Variants in DCAF11 observed in about 807,000 individuals in gnomAD.
The protein encoded by DCAF11 is DDB1 and CUL4 associated factor 11.
DCAF11 carries 44 observed loss-of-function variants against 76.1 expected under a neutral mutation model. That is an observed-to-expected ratio of 0.58 (90% CI 0.45 to 0.74). DCAF11 has a LOEUF of 0.74. Among genes scored for constraint, DCAF11 ranks in the 30% least tolerant of loss-of-function variants. The pLI is 0.00. For missense variants in DCAF11, 604 were observed against 709.4 expected (o/e 0.85, Z 1.69); for synonymous variants, 258 against 255.0 (o/e 1.01, Z -0.11).
At chr14:24,119,462 C>G in intron 9 of DCAF11, 97 bp from the exon 10 acceptor site, 1 of 1,485,134 alleles carries the variant, frequency 6.7e-7, no homozygotes, top group Non-Finnish European at 9.4e-7. Flanking sequence ...AGGGCTTGAC[C>G]CAGAGCAGGA....
At chr14:24,122,512 A>AG (rs1491299623) in intron 13 of DCAF11, among the ~76,000 whole-genome samples, 13 of 150,124 alleles carry the variant, frequency 8.7e-5, no homozygotes, top group Non-Finnish European at 2.9e-5. Context: ...AAAAAGAAAA[A>AG]GAAAAAAAAA....
intron 11 of DCAF11, among the ~76,000 whole-genome samples, chr14:24,120,222 A>C (rs1376094056): frequency 2.0e-5 from 3 of 151,862 alleles, no homozygotes; most frequent in Non-Finnish European, 4.4e-5. Flanking sequence ...TGTGAAACCT[A>C]GCGAGACCTC....
At chr14:24,121,056 C>A in intron 12 of DCAF11, 65 bp downstream of exon 12, 1 of 1,586,508 alleles carries the variant, frequency 6.3e-7, no homozygotes, top group East Asian at 2.3e-5. Context: ...GGACCTCCCC[C>A]TCAGCCCTCT....
At position 24,117,271 on chromosome 14, in the gene DCAF11, G is replaced by GCTA; in HGVS notation, c.291_293dup (p.Thr98dup). ...CTTCTCCTTGGTACTCACAGTGGAT[G>GCTA]CTACCCCTGACACCCGGGAGCTGGA... is the stretch of plus-strand genomic sequence containing the variant. On this transcript the variant is annotated inframe_insertion, in exon 4 of 15. Transcript: ENST00000446197. This position sits in a 1 kb window ranked among gnomAD's most constrained non-coding sequence, Gnocchi z 4.3. 6.2e-7 allele frequency: 1 copy of GCTA among 1,614,208 alleles called. No individual in the cohort carries two copies.
At chr14:24,115,776 A>G in intron 2 of DCAF11, 27 bp downstream of exon 2, 1 of 1,604,074 alleles carries the variant, frequency 6.2e-7, no homozygotes, top group Non-Finnish European at 8.5e-7. Context: ...TGTGACCCCC[A>G]GCAGGTGCTA....
Position 24,115,881 on chromosome 14 carries a change from C to T in DCAF11, c.155+132C>T, listed in dbSNP as rs1387739686. ...AGCTGTTCTGTTTGAGCTGAACAGCCTTTCCCTGCTGGGCACCCATGGCAC... is the reference window on the plus strand; with the variant it reads ...AGCTGTTCTGTTTGAGCTGAACAGCTTTTCCCTGCTGGGCACCCATGGCAC... On this transcript the variant is annotated intron_variant, in intron 2 of 14. Transcript: ENST00000446197. 4.2e-6 allele frequency: 5 copies of T among 1,180,020 alleles called. No homozygotes were observed. In the African/African-American group the frequency reaches 7.7e-5, roughly 18 times the overall value. The allele number at this position is 1,180,020 out of a possible 1,614,324, so 73.1% of individuals were successfully genotyped here.
At chr14:24,119,923 C>T in intron 11 of DCAF11, 27 bp downstream of exon 11, 1 of 1,576,254 alleles carries the variant, frequency 6.3e-7, no homozygotes, top group Non-Finnish European at 8.6e-7. Flanking sequence ...GACTGTACAG[C>T]CAGGCCGCTA....
In DCAF11 at chr14:24,122,976, G is replaced by T; in HGVS notation, c.1405G>T (p.Asp469Tyr). The T allele has an allele frequency of 1.9e-6, 3 of 1,614,098 alleles. No homozygotes were observed. Among genetic ancestry groups the T allele is most frequent in the Non-Finnish European group, 2.5e-6 (3 of 1,179,982 alleles). Residue 469 changes from aspartate to tyrosine, a missense_variant, in exon 14 of 15, where the codon GAC becomes TAC. Asp to Tyr is a radical substitution (Grantham distance 160, BLOSUM62 -3). Transcript: ENST00000446197. ...GCSTGKVVVY[D>Y]LLSGHIVKKL... Reference sequence around the variant, plus strand: ...CTCTTGCCTGTCCTGGACAGTGTACGACCTTCTAAGTGGCCACATTGTGAA... The same window carrying T: ...CTCTTGCCTGTCCTGGACAGTGTACTACCTTCTAAGTGGCCACATTGTGAA...
chr14:24,118,463 G>C lies in DCAF11; in HGVS notation c.653G>C (p.Gly218Ala). The C allele has an allele frequency of 6.2e-7, 1 of 1,614,200 alleles. No individual in the cohort carries two copies. Among genetic ancestry groups the C allele is most frequent in the Non-Finnish European group, 8.5e-7 (1 of 1,180,034 alleles). The change falls in exon 7 of 15, where the codon GGC becomes GCC. Residue 218 changes from glycine (G) to alanine (A), a missense_variant. By Grantham distance (60) the Gly-to-Ala change is moderately conservative (BLOSUM62 0). Coordinates refer to ENST00000446197, the MANE Select transcript of DCAF11 (RefSeq NM_025230.5). ...AAGAGCATCAAGGCCCGCGACGTAG[G>C]CTGGAGCGTCTTGGATGTGGCCTTC... ...KFKSIKARDVGWSVLDVAFTP... is the reference protein window; with the variant it reads ...KFKSIKARDVAWSVLDVAFTP...
intron 13 of DCAF11, 61 bp downstream of exon 13, chr14:24,121,578 AC>A: frequency 6.4e-7 from 1 of 1,564,780 alleles, no homozygotes; most frequent in Non-Finnish European, 8.7e-7. Flanking sequence ...TTGCCATTCC[AC>A]CTATAACGAC....
At chr14:24,121,277 G>T in intron 12 of DCAF11, 88 bp from the exon 13 acceptor site, 2 of 1,531,474 alleles carry the variant, frequency 1.3e-6, no homozygotes, top group Admixed American at 1.8e-5. Context: ...ATTTGTCTCT[G>T]GGCATCGAAC....
Position 24,120,008 on chromosome 14 carries a change from T to C in DCAF11, c.1092+112T>C, listed in dbSNP as rs2037660193. 17 of 1,340,754 alleles carry C rather than the reference T, an allele frequency of 1.3e-5. 1 individual carries two copies. Among genetic ancestry groups the C allele is most frequent in the South Asian group, 1.2e-4 (8 of 65,516 alleles). 83.1% of individuals were successfully genotyped at this position (1,340,754 alleles called of 1,614,324 possible). On this transcript the variant is annotated intron_variant, in intron 11 of 14. Coordinates refer to ENST00000446197, the MANE Select transcript of DCAF11 (RefSeq NM_025230.5). ...GACAAGCTCCTTATTAACCAAGGTTTGTAAGAGTTGGAGTTTAGGGAAGGG... is the reference window on the plus strand; with the variant it reads ...GACAAGCTCCTTATTAACCAAGGTTCGTAAGAGTTGGAGTTTAGGGAAGGG...
In DCAF11 at chr14:24,117,043, T is replaced by C. The variant is rs764374946; in HGVS notation, c.282T>C (p.Pro94=). The C allele has an allele frequency of 6.2e-7, 1 of 1,614,236 alleles. No homozygotes were observed. Among genetic ancestry groups the C allele is most frequent in the Admixed American group, 1.7e-5 (1 of 60,024 alleles). The change falls in exon 3 of 15, where the codon CCT becomes CCC. Residue 94 remains proline (P), a splice_region_variant and synonymous_variant. Transcript: ENST00000446197. This position sits in a 1 kb window ranked among gnomAD's most constrained non-coding sequence, Gnocchi z 4.3. The part of the protein sequence containing the change: ...DGRLGDRYNP[P]VDATPDTREL... Reference sequence around the variant, plus strand: ...GTCTTGGGGATCGATACAACCCACCTGGTAAGAGGAAAAGCCCCTAATGTT... The same window carrying C: ...GTCTTGGGGATCGATACAACCCACCCGGTAAGAGGAAAAGCCCCTAATGTT...
chr14:24,117,407 C>G lies in DCAF11; in HGVS notation c.411+14C>G. ...ATGTTGCACCAGGTAGGCCTCTCCACCTCCCAGCCTGGCAGCAGGCCTGCC... is the reference window on the plus strand; with the variant it reads ...ATGTTGCACCAGGTAGGCCTCTCCAGCTCCCAGCCTGGCAGCAGGCCTGCC... On this transcript the variant is annotated intron_variant, in intron 4 of 14. Coordinates refer to ENST00000446197, the MANE Select transcript of DCAF11 (RefSeq NM_025230.5). The surrounding 1 kb of genome is among the most constrained non-coding windows in gnomAD (Gnocchi z 4.3). 2.5e-6 allele frequency: 4 copies of G among 1,613,446 alleles called. No individual in the cohort carries two copies. The highest frequency in any genetic ancestry group is 2.5e-6 in the Non-Finnish European group (3 of 1,179,566).
chr14:24,118,369 C>G lies in DCAF11; in HGVS notation c.578-19C>G, dbSNP rs1191564861. ...CAAGGAAACTGTCCCATAATTCTGC[C>G]TGATCTTTACTTACACAGACCAGAC... On this transcript the variant is annotated intron_variant, in intron 6 of 14. Coordinates refer to ENST00000446197, the MANE Select transcript of DCAF11 (RefSeq NM_025230.5). The G allele has an allele frequency of 6.2e-7, 1 of 1,613,324 alleles. No individual in the cohort carries two copies.
rs767372506 is a variant in DCAF11 at position 24,115,173 on chromosome 14, G to T, written c.-334G>T. ...TCCTAAGGCTTCTAATTGGTTAGAT[G>T]AGATAAGCTAGTGAAGCGCTTTCTT... On this transcript the variant is annotated 5_prime_UTR_variant, in exon 1 of 15. It removes an upstream start codon present in the reference 5' UTR. Coordinates refer to ENST00000446197, the MANE Select transcript of DCAF11 (RefSeq NM_025230.5). 6 of 244,718 alleles carry T rather than the reference G, an allele frequency of 2.5e-5. No homozygotes were observed. Among genetic ancestry groups the T allele is most frequent in the Non-Finnish European group, 4.0e-5 (6 of 151,196 alleles). 15.2% of individuals were successfully genotyped at this position (244,718 alleles called of 1,614,324 possible).
In DCAF11 at chr14:24,118,762, A is replaced by G. The variant is rs769648639; in HGVS notation, c.737A>G (p.Asn246Ser). Reference protein sequence around the residue: ...SSWSDYIHICNIYGEGDTHTA... With the variant: ...SSWSDYIHICSIYGEGDTHTA... ...TTGCTTCTCTTAGTTCATATCTGCA[A>G]TATCTATGGTGAGGGAGATACACAC... The change falls in exon 8 of 15, where the codon AAT becomes AGT. Residue 246 changes from asparagine to serine, a missense_variant. Transcript: ENST00000446197. 1.7e-5 allele frequency: 28 copies of G among 1,614,084 alleles called. No homozygotes were observed. Among genetic ancestry groups the G allele is most frequent in the Non-Finnish European group, 2.4e-5 (28 of 1,180,024 alleles).
Position 24,119,916 on chromosome 14 carries a change from T to G in DCAF11, c.1092+20T>G, listed in dbSNP as rs1400050070. On this transcript the variant is annotated intron_variant, in intron 11 of 14. Coordinates refer to ENST00000446197, the MANE Select transcript of DCAF11 (RefSeq NM_025230.5). Reference sequence around the variant, plus strand: ...AGCAAGGTGGGCCAGAAGTCAGGACTGTACAGCCAGGCCGCTAAGGTTCTA... The same window carrying G: ...AGCAAGGTGGGCCAGAAGTCAGGACGGTACAGCCAGGCCGCTAAGGTTCTA... The G allele has an allele frequency of 6.3e-7, 1 of 1,586,974 alleles. No homozygotes were observed. The highest frequency in any genetic ancestry group is 1.3e-5 in the African/African-American group (1 of 74,244).
In DCAF11 at chr14:24,123,420, A is replaced by G. The variant is rs2139025245; in HGVS notation, c.*111A>G. The G allele has an allele frequency of 6.9e-7, 1 of 1,458,608 alleles. No homozygotes were observed. Among genetic ancestry groups the G allele is most frequent in the Admixed American group, 2.4e-5 (1 of 41,354 alleles). 90.4% of individuals were successfully genotyped at this position (1,458,608 alleles called of 1,614,324 possible). On this transcript the variant is annotated 3_prime_UTR_variant, in exon 15 of 15. Transcript: ENST00000446197. ...AGGAATCACTGGCATTTGATGGGGA[A>G]TAACATAAGCCTGGGCTCTGAGCCT...
Sources: gnomAD v4.1 joint callset for allele counts (sites outside exome capture counted in the v4.1 genomes callset) on GRCh38, gnomAD v4.1.1 for gene constraint, Gnocchi (gnomAD v3.1) non-coding constraint, MANE v1.5 for transcripts, NCBI Gene and HGNC (gene_info 2026-07-23, HGNC 2026-07-21) for gene names.